Variants in CSRP1 observed in about 807,000 individuals in gnomAD.
CSRP1 encodes cysteine and glycine rich protein 1, also known as cysteine and glycine-rich protein 1.
A neutral mutation model predicts 25.4 loss-of-function variants in CSRP1; 16 were observed. The ratio of observed to expected loss-of-function variants is 0.63; its 90% CI spans 0.43 to 0.96. CSRP1 has a LOEUF of 0.96. Ranked by LOEUF, CSRP1 falls within the 40% of genes least tolerant of loss-of-function variation. The pLI, the probability that CSRP1 is intolerant of heterozygous loss-of-function variation, is 0.00. For synonymous variants in CSRP1, 97 were observed against 95.3 expected (o/e 1.02, Z -0.10); for missense variants, 212 against 243.6 (o/e 0.87, Z 0.86).
intron 2 of CSRP1, 57 bp from the exon 3 acceptor site, chr1:201,490,401 C>A: frequency 6.4e-7 from 1 of 1,570,984 alleles, no homozygotes. Flanking sequence ...GACCTTCTTG[C>A]TCATTGCAAG....
intron 2 of CSRP1, among the ~76,000 whole-genome samples, chr1:201,493,283 C>T (rs1258655879): frequency 1.3e-5 from 2 of 152,210 alleles, no homozygotes; most frequent in Admixed American, 6.5e-5. Context: ...GTCTTCCTCC[C>T]GCCCATTCAG....
At chr1:201,495,958 C>A in intron 2 of CSRP1, 1 of 449,738 alleles carries the variant, frequency 2.2e-6, no homozygotes, top group Non-Finnish European at 3.9e-6. Context: ...GGCTTTCAGC[C>A]CCTGAACGCC....
intron 1 of CSRP1, among the ~76,000 whole-genome samples, chr1:201,499,225 T>C (rs1571786251): frequency 6.6e-6 from 1 of 152,306 alleles, no homozygotes. Flanking sequence ...CAATCAGCAA[T>C]GTGTGTTATG....
chr1:201,483,997 C>A lies in CSRP1; in HGVS notation c.*716G>T. The A allele has an allele frequency of 1.4e-6, 1 of 696,224 alleles. No homozygotes were observed. The highest frequency in any genetic ancestry group is 2.6e-6 in the Non-Finnish European group (1 of 379,846). 43.1% of individuals were successfully genotyped at this position (696,224 alleles called of 1,614,324 possible). A position where few individuals can be genotyped will look rare whatever the true frequency, so the allele number is the denominator to read the frequency against. ...TATGTTTCAGGTATTTCATTAGGATCCTCCCATCAAGCAGGGAACTAGATG... is the reference window on the plus strand; with the variant it reads ...TATGTTTCAGGTATTTCATTAGGATACTCCCATCAAGCAGGGAACTAGATG... On this transcript the variant is annotated 3_prime_UTR_variant, in exon 6 of 6. Coordinates refer to ENST00000340006, the MANE Select transcript of CSRP1 (RefSeq NM_004078.3).
chr1:201,489,992 CT>C, intron 3 of CSRP1, 183 bp downstream of exon 3: 1 of 584,294 alleles, frequency 1.7e-6, no homozygotes, highest in South Asian at 2.6e-5. Context: ...GTTTTAGTCC[CT>C]GCTGCATCCC....
chr1:201,495,360 G>A (rs1664478628), intron 2 of CSRP1, among the ~76,000 whole-genome samples: 1 of 152,184 alleles, frequency 6.6e-6, no homozygotes, highest in South Asian at 2.1e-4. Flanking sequence ...CAGCCTGGGT[G>A]ACAGAGTGAG....
In CSRP1 at chr1:201,485,328, C is replaced by T. The variant is rs1490830638; in HGVS notation, c.460G>A (p.Glu154Lys). Reference protein sequence around the residue: ...FRCAKCGKGLESTTLADKDGE... With the variant: ...FRCAKCGKGLKSTTLADKDGE... The stretch of plus-strand genomic sequence containing the variant: ...TCCTTGTCTGCCAGGGTGGTTGACT[C>T]AAGGCCTTTGCCACACTTGGCACAT... The change falls in exon 5 of 6, where the codon GAG (glutamate) becomes AAG (lysine). Residue 154 changes from glutamate to lysine, a missense_variant. Glu to Lys is a moderately conservative substitution (Grantham distance 56). Coordinates refer to ENST00000340006, the MANE Select transcript of CSRP1 (RefSeq NM_004078.3). 2 of 1,614,202 alleles carry T rather than the reference C, an allele frequency of 1.2e-6. No homozygotes were observed. The highest frequency in any genetic ancestry group is 1.7e-6 in the Non-Finnish European group (2 of 1,180,016).
chr1:201,496,762 G>C (rs969582358), intron 1 of CSRP1, among the ~76,000 whole-genome samples: 2 of 152,212 alleles, frequency 1.3e-5, no homozygotes, highest in African/African-American at 2.4e-5. Context: ...ATATTGCCAA[G>C]GGATGGACAT....
At chr1:201,505,936 G>A (rs1664811555) in intron 1 of CSRP1, among the ~76,000 whole-genome samples, 1 of 152,230 alleles carries the variant, frequency 6.6e-6, no homozygotes, top group African/African-American at 2.4e-5. Context: ...TGGGAGGAAG[G>A]CAAGGGATGA....
intron 2 of CSRP1, among the ~76,000 whole-genome samples, chr1:201,494,841 CGTGT>C (rs768896991): frequency 2.0e-5 from 3 of 151,860 alleles, no homozygotes; most frequent in Non-Finnish European, 1.5e-5. Flanking sequence ...TGTGTGTGTG[CGTGT>C]GCACGTGTGT....
chr1:201,484,906 G>T, intron 5 of CSRP1, 117 bp from the exon 6 acceptor site: 1 of 832,184 alleles, frequency 1.2e-6, no homozygotes, highest in South Asian at 1.6e-5. Context: ...AGGGAAGGAA[G>T]GTCCACTGGT....
chr1:201,502,364 G>A (rs1331383412), intron 1 of CSRP1, among the ~76,000 whole-genome samples: 1 of 152,338 alleles, frequency 6.6e-6, no homozygotes, highest in East Asian at 1.9e-4. Flanking sequence ...TCTGCAGCTC[G>A]GCTTTTGCCT....
At chr1:201,501,867 C>T (rs1313763069) in intron 1 of CSRP1, among the ~76,000 whole-genome samples, 1 of 151,940 alleles carries the variant, frequency 6.6e-6, no homozygotes, top group Non-Finnish European at 1.5e-5. Flanking sequence ...GTGGCGGGCA[C>T]CTGTAATCCC....
intron 4 of CSRP1, chr1:201,486,031 T>C (rs1169556029): frequency 6.6e-6 from 1 of 152,294 alleles, no homozygotes; most frequent in Non-Finnish European, 1.5e-5. Context: ...AGCTACCCAG[T>C]GAGGGACATA....
At chr1:201,490,121 T>C in intron 3 of CSRP1, 55 bp downstream of exon 3, 1 of 1,562,720 alleles carries the variant, frequency 6.4e-7, no homozygotes, top group South Asian at 1.2e-5. Context: ...TGAGGCCTAA[T>C]ACAGGGTGGG....
chr1:201,491,822 T>C (rs1664348359), intron 2 of CSRP1: 1 of 152,212 alleles, frequency 6.6e-6, no homozygotes, highest in Admixed American at 6.5e-5. Context: ...AGCCACGCCT[T>C]TTACCACCCT....
At chr1:201,498,209 T>C (rs1571785257) in intron 1 of CSRP1, among the ~76,000 whole-genome samples, 1 of 152,298 alleles carries the variant, frequency 6.6e-6, no homozygotes, top group Middle Eastern at 3.4e-3. Flanking sequence ...AGATGGGGCC[T>C]GCTTCTCTCC....
At chr1:201,495,715 T>C (rs1352273570) in intron 2 of CSRP1, 1 of 153,278 alleles carries the variant, frequency 6.5e-6, no homozygotes, top group Non-Finnish European at 1.5e-5. Context: ...TGAGTGGGAA[T>C]GGGAAGTGAA....
chr1:201,485,240 C>T (rs757355634), intron 5 of CSRP1, 43 bp downstream of exon 5: 3 of 1,573,800 alleles, frequency 1.9e-6, no homozygotes, highest in Non-Finnish European at 2.6e-6. Flanking sequence ...CCCCCCTACC[C>T]CCTTGGGCCT....
Sources: allele counts gnomAD v4.1 joint callset (sites outside exome capture counted in the v4.1 genomes callset), GRCh38; gene constraint gnomAD v4.1.1; transcripts MANE v1.5; gene names NCBI Gene and HGNC (gene_info 2026-07-23, HGNC 2026-07-21).